ANXA4: variants seen among roughly 807,000 people sequenced by gnomAD.
ANXA4 encodes the protein 35-beta calcimedin.
ANXA4 carries 39 observed loss-of-function variants against 49.8 expected under a neutral mutation model. The ratio of observed to expected loss-of-function variants is 0.78; its 90% CI spans 0.61 to 1.02. ANXA4 has a LOEUF of 1.02. ANXA4 is among the 50% of genes least tolerant of loss of function. The pLI, the probability that ANXA4 is intolerant of heterozygous loss-of-function variation, is 0.00. For missense variants in ANXA4, 360 were observed against 410.1 expected (o/e 0.88, Z 1.05); for synonymous variants, 134 against 152.5 (o/e 0.88, Z 0.89).
chr2:69,667,032 T>C (rs1453943015), intron 2 of ANXA4, among the ~76,000 whole-genome samples: 1 of 151,714 alleles, frequency 6.6e-6, no homozygotes, highest in East Asian at 1.9e-4. Context: ...GCCGATAGAG[T>C]GAGACTCCAT....
chr2:69,813,191 C>T (rs10496172), intron 8 of ANXA4, among the ~76,000 whole-genome samples: 20,886 of 152,054 alleles, frequency 0.14, 3,797 homozygotes, highest in African/African-American at 0.39. Context: ...CCAGATAACA[C>T]TAACGATAAT....
chr2:69,746,619 C>T lies in ANXA4; in HGVS notation c.-47+4444C>T, dbSNP rs185254986. Among the ~76,000 whole-genome samples, 458 of 152,198 alleles carry T rather than the reference C, an allele frequency of 3.0e-3. 5 individuals carry two copies. Among genetic ancestry groups the T allele is most frequent in the Admixed American group, 8.4e-3 (129 of 15,282 alleles). On this transcript the variant is annotated intron_variant, in intron 1 of 12. Transcript: ENST00000394295. ...CTTTTGCTATGGGAACCTGAACCAC[C>T]ACCTTTGAAGAATTCTTTTTAAAGA...
In ANXA4 at chr2:69,823,636, T is replaced by C. The variant is rs144376785; in HGVS notation, c.907-1820T>C. 1.8e-4 allele frequency among the ~76,000 whole-genome samples: 27 copies of C among 152,314 alleles called. No homozygotes were observed. In the East Asian group the frequency reaches 4.8e-3, roughly 27 times the overall value. Reference sequence around the variant, plus strand: ...TAGGAGAAAGTGGATCACGTTATACTGACAAAGGCAACAATTCACAGCAAA... The same window carrying C: ...TAGGAGAAAGTGGATCACGTTATACCGACAAAGGCAACAATTCACAGCAAA... On this transcript the variant is annotated intron_variant, in intron 12 of 12. Transcript: ENST00000394295.
At chr2:69,681,209 A>ATT (rs1677586698) in intron 2 of ANXA4, among the ~76,000 whole-genome samples, 2 of 151,694 alleles carry the variant, frequency 1.3e-5, no homozygotes, top group Admixed American at 1.3e-4. Flanking sequence ...AGGTTTCCAT[A>ATT]TTTTTCTTAT....
At chr2:69,710,289 T>C (rs1463429288) in intron 2 of ANXA4, among the ~76,000 whole-genome samples, 1 of 152,168 alleles carries the variant, frequency 6.6e-6, no homozygotes, top group East Asian at 1.9e-4. Flanking sequence ...CCGGCCCACT[T>C]CCAGGCTTTT....
chr2:69,760,972 G>T (rs1323078642), intron 1 of ANXA4, among the ~76,000 whole-genome samples: 2 of 150,428 alleles, frequency 1.3e-5, no homozygotes, highest in Non-Finnish European at 3.0e-5. Flanking sequence ...GGTCAGCCTG[G>T]GCAACATAGT....
At chr2:69,648,473 T>C (rs569036036) in intron 1 of ANXA4, among the ~76,000 whole-genome samples, 1 of 152,292 alleles carries the variant, frequency 6.6e-6, no homozygotes, top group South Asian at 2.1e-4. Context: ...ACATTCAAGT[T>C]TGAGAACCAC....
At chr2:69,760,566 T>C (rs1671241171) in intron 1 of ANXA4, among the ~76,000 whole-genome samples, 1 of 152,202 alleles carries the variant, frequency 6.6e-6, no homozygotes, top group Non-Finnish European at 1.5e-5. Context: ...AATAATTAAG[T>C]GGATTATTTT....
intron 12 of ANXA4, among the ~76,000 whole-genome samples, chr2:69,822,008 G>A (rs931922900): frequency 1.8e-4 from 28 of 152,274 alleles, no homozygotes; most frequent in Admixed American, 1.3e-3. Context: ...AATATAAAGC[G>A]GTGCAGCCAC....
intron 3 of ANXA4, among the ~76,000 whole-genome samples, chr2:69,796,293 C>A (rs1336967543): frequency 1.3e-5 from 2 of 152,206 alleles, no homozygotes; most frequent in African/African-American, 4.8e-5. Context: ...CTGGACTCTG[C>A]AAGCCTGCAA....
rs769813390 is a variant in ANXA4 at position 69,807,880 on chromosome 2, G to T, written c.307-26G>T. 3.7e-6 allele frequency: 6 copies of T among 1,607,070 alleles called. No individual in the cohort carries two copies. In the South Asian group the frequency reaches 5.5e-5, roughly 15 times the overall value. ...TCAGCTTTGTAAACTGGCTCATATA[G>T]CCCTGTCCTCTGGTTTCTTGTTTAG... On this transcript the variant is annotated intron_variant, in intron 5 of 12. Coordinates refer to ENST00000394295, the MANE Select transcript of ANXA4 (RefSeq NM_001153.5).
At chr2:69,645,281 G>A (rs1675964240) in intron 1 of ANXA4, among the ~76,000 whole-genome samples, 2 of 152,188 alleles carry the variant, frequency 1.3e-5, no homozygotes, top group Admixed American at 1.3e-4. Flanking sequence ...TTTTCTTCCG[G>A]AGAGAGTCAG....
chr2:69,804,683 G>A, intron 4 of ANXA4, 56 bp downstream of exon 4: 2 of 1,408,710 alleles, frequency 1.4e-6, no homozygotes, highest in Non-Finnish European at 2.0e-6. Flanking sequence ...CAGGAAGCAG[G>A]GCCTCTTCCT....
chr2:69,772,746 C>T (rs1364246454), intron 1 of ANXA4, among the ~76,000 whole-genome samples: 1 of 152,172 alleles, frequency 6.6e-6, no homozygotes, highest in African/African-American at 2.4e-5. Context: ...TGGCCAGGCG[C>T]AGTGGCTCAC....
intron 4 of ANXA4, among the ~76,000 whole-genome samples, 170 bp downstream of exon 4, chr2:69,804,797 G>T (rs1366865633): frequency 6.6e-6 from 1 of 152,110 alleles, no homozygotes; most frequent in Non-Finnish European, 1.5e-5. Flanking sequence ...TGTAATCCCA[G>T]CACTTTGGGA....
intron 2 of ANXA4, chr2:69,700,100 A>T (rs547962998): frequency 2.6e-5 from 4 of 152,290 alleles, no homozygotes; most frequent in Non-Finnish European, 5.9e-5. Context: ...ACAAAGCAGC[A>T]TGAGGAAATG....
intron 1 of ANXA4, among the ~76,000 whole-genome samples, chr2:69,762,486 A>C (rs1299562843): frequency 6.6e-6 from 1 of 152,046 alleles, no homozygotes; most frequent in African/African-American, 2.4e-5. Context: ...GAGGGATTGT[A>C]ATGGGCCTGG....
intron 2 of ANXA4, among the ~76,000 whole-genome samples, chr2:69,718,935 T>C (rs1573142412): frequency 2.0e-5 from 3 of 151,870 alleles, no homozygotes; most frequent in Admixed American, 2.0e-4. Flanking sequence ...CAGAGTCTCT[T>C]ATAAAGCTTT....
intron 2 of ANXA4, among the ~76,000 whole-genome samples, chr2:69,690,527 C>T (rs996490515): frequency 6.6e-6 from 1 of 152,252 alleles, no homozygotes; most frequent in African/African-American, 2.4e-5. Context: ...GCATGAGCCA[C>T]TGCGCCCGGC....
Sources: allele counts gnomAD v4.1 joint callset (sites outside exome capture counted in the v4.1 genomes callset), GRCh38; gene constraint gnomAD v4.1.1; transcripts MANE v1.5; gene names NCBI Gene and HGNC (gene_info 2026-07-23, HGNC 2026-07-21).